CDK15: variants seen among roughly 807,000 people sequenced by gnomAD.
The protein encoded by CDK15 is cyclin-dependent kinase 15.
In CDK15, 62 loss-of-function variants were observed where a neutral mutation model predicts 60.3. That is an observed-to-expected ratio of 1.03 (90% CI 0.84 to 1.27). The LOEUF (loss-of-function observed/expected upper bound fraction) is 1.27. Ranked by LOEUF, CDK15 falls within the 50% of genes most tolerant of loss-of-function variation. CDK15 has a pLI of 0.00. For missense variants in CDK15, 541 were observed against 527.8 expected (o/e 1.03, Z -0.25); for synonymous variants, 194 against 195.7 (o/e 0.99, Z 0.07).
At chr2:201,823,752 CT>C (rs772071625) in intron 6 of CDK15, 25 bp downstream of exon 6, 56 of 1,603,920 alleles carry the variant, frequency 3.5e-5, no homozygotes, top group Non-Finnish European at 4.4e-5. Context: ...GGTCAGGACC[CT>C]CTCCTGGCTT....
chr2:201,867,018 G>T (rs565747095), intron 10 of CDK15, among the ~76,000 whole-genome samples: 1 of 152,236 alleles, frequency 6.6e-6, no homozygotes, highest in Non-Finnish European at 1.5e-5. Context: ...TATTCCTGGG[G>T]TCCTGGGGCA....
chr2:201,878,753 G>A (rs766523758), intron 11 of CDK15, among the ~76,000 whole-genome samples: 5 of 152,180 alleles, frequency 3.3e-5, no homozygotes, highest in African/African-American at 1.2e-4. Flanking sequence ...AGCAGCTTAG[G>A]TGTTGGGCAA....
chr2:201,877,890 T>A (rs969848070), intron 11 of CDK15, among the ~76,000 whole-genome samples: 44 of 152,356 alleles, frequency 2.9e-4, no homozygotes, highest in African/African-American at 9.4e-4. Context: ...ATAGCTCAAA[T>A]TTTTTAATGC....
intron 6 of CDK15, among the ~76,000 whole-genome samples, chr2:201,828,996 A>G (rs924580116): frequency 1.1e-4 from 16 of 152,198 alleles, no homozygotes; most frequent in Admixed American, 2.6e-4. Context: ...TGGAGATTCT[A>G]AGGATTTTAG....
chr2:201,866,985 T>C (rs558974085), intron 10 of CDK15, among the ~76,000 whole-genome samples: 3 of 152,116 alleles, frequency 2.0e-5, no homozygotes, highest in Non-Finnish European at 4.4e-5. Context: ...ACCCCAAACA[T>C]GGACTCAAGT....
At chr2:201,860,764 T>C (rs773598416) in intron 10 of CDK15, 6 of 1,352,154 alleles carry the variant, frequency 4.4e-6, no homozygotes, top group South Asian at 2.3e-5. Flanking sequence ...ACAGCATGGA[T>C]GGCATACTGA....
At chr2:201,806,909 T>C (rs546004134) in intron 1 of CDK15, 122 bp downstream of exon 1, 3 of 1,164,832 alleles carry the variant, frequency 2.6e-6, no homozygotes, top group South Asian at 2.1e-5. Flanking sequence ...ATGAAAATTC[T>C]ATTAAAGTCA....
chr2:201,887,136 G>A (rs1699478621), intron 12 of CDK15, among the ~76,000 whole-genome samples: 1 of 152,038 alleles, frequency 6.6e-6, no homozygotes, highest in Non-Finnish European at 1.5e-5. Flanking sequence ...AGAAACAATT[G>A]GACAAATGTT....
intron 6 of CDK15, among the ~76,000 whole-genome samples, chr2:201,831,002 A>G (rs1696727417): frequency 6.6e-6 from 1 of 152,240 alleles, no homozygotes; most frequent in Admixed American, 6.5e-5. Flanking sequence ...TTAAAGCAGG[A>G]TTGAAGAATG....
chr2:201,872,718 A>ACGCAGT (rs1458342234), intron 11 of CDK15, among the ~76,000 whole-genome samples: 2 of 152,116 alleles, frequency 1.3e-5, no homozygotes, highest in African/African-American at 4.8e-5. Context: ...GGCCCTCTCT[A>ACGCAGT]CGCAGTCTCG....
intron 12 of CDK15, among the ~76,000 whole-genome samples, chr2:201,884,164 C>T (rs181766269): frequency 5.6e-4 from 86 of 152,258 alleles, no homozygotes; most frequent in African/African-American, 1.7e-3. Flanking sequence ...GGTCCTTGAT[C>T]GTCAGGACAT....
At chr2:201,824,014 C>T (rs545356751) in intron 6 of CDK15, among the ~76,000 whole-genome samples, 4 of 151,942 alleles carry the variant, frequency 2.6e-5, no homozygotes, top group African/African-American at 4.8e-5. Flanking sequence ...GATGAATAAA[C>T]GAGTGAAGGA....
At chr2:201,861,461 A>G in intron 10 of CDK15, 3 of 985,268 alleles carry the variant, frequency 3.0e-6, no homozygotes, top group Non-Finnish European at 3.6e-6. Context: ...TGAGTCTGAA[A>G]AATAAATTAT....
intron 11 of CDK15, among the ~76,000 whole-genome samples, chr2:201,874,028 TGG>T (rs1250339496): frequency 7.4e-6 from 1 of 134,982 alleles, no homozygotes; most frequent in Non-Finnish European, 1.5e-5. Context: ...CATTCCAGCC[TGG>T]GAGACAGAGT....
intron 12 of CDK15, chr2:201,889,295 A>G: frequency 2.0e-6 from 2 of 985,414 alleles, no homozygotes; most frequent in Non-Finnish European, 2.4e-6. Flanking sequence ...AACCTGGGAA[A>G]AGCAATGCCC....
Position 201,890,842 on chromosome 2 carries a change from T to C in CDK15, c.1256T>C (p.Leu419Ser), listed in dbSNP as rs757420709. 7 of 1,613,696 alleles carry C rather than the reference T, an allele frequency of 4.3e-6. No individual in the cohort carries two copies. The East Asian group carries it at 1.6e-4, about 36-fold the overall frequency. The change falls in exon 13 of 14, where the codon TTG (leucine) becomes TCG (serine). Residue 419 changes from leucine (L) to serine (S), a missense_variant. Physicochemically the swap from Leu to Ser is moderately radical, Grantham distance 145. Transcript: ENST00000652192. Reference sequence around the variant, plus strand: ...CTAAAGCCAGAAATGTGTGACCTTTTGGCCTCCTACCAGAAAGGTCACCAC... The same window carrying C: ...CTAAAGCCAGAAATGTGTGACCTTTCGGCCTCCTACCAGAAAGGTCACCAC... ...VRLKPEMCDLLASYQKGHHPA... is the reference protein window; with the variant it reads ...VRLKPEMCDLSASYQKGHHPA...
rs148293006 is a variant in CDK15 at position 201,853,990 on chromosome 2, T to A, written c.946-884T>A. On this transcript the variant is annotated intron_variant, in intron 9 of 13. Coordinates refer to ENST00000652192, the MANE Select transcript of CDK15 (RefSeq NM_001366386.2). The stretch of plus-strand genomic sequence containing the variant: ...TCCTGGCCAACACGGTGAAACCCCG[T>A]CTCTACTAAAAATACAACAACAACA... Among the ~76,000 whole-genome samples the A allele has an allele frequency of 3.3e-3, 504 of 151,816 alleles. 6 individuals carry two copies. Among genetic ancestry groups the A allele is most frequent in the African/African-American group, 0.012 (493 of 41,384 alleles).
intron 10 of CDK15, among the ~76,000 whole-genome samples, chr2:201,865,892 C>CAAAAAAAA (rs35178158): frequency 2.2e-4 from 9 of 40,082 alleles, no homozygotes; most frequent in African/African-American, 2.9e-4. Context: ...TCCATCTCAA[C>CAAAAAAAA]AAAAAAAAAA....
At position 201,882,035 on chromosome 2, in the gene CDK15, G is replaced by C. The variant is rs749900969; in HGVS notation, c.1198+1868G>C. 6.6e-5 allele frequency among the ~76,000 whole-genome samples: 10 copies of C among 152,074 alleles called. No individual in the cohort carries two copies. The highest frequency in any genetic ancestry group is 1.3e-4 in the Non-Finnish European group (9 of 68,026). ...TTCTAGGCTCCAGCTTTTGCTTGACGCAAGATGATTAGGAAGAAACAATCA... is the reference window on the plus strand; with the variant it reads ...TTCTAGGCTCCAGCTTTTGCTTGACCCAAGATGATTAGGAAGAAACAATCA... On this transcript the variant is annotated intron_variant, in intron 12 of 13. Coordinates refer to ENST00000652192, the MANE Select transcript of CDK15 (RefSeq NM_001366386.2). This position sits in a 1 kb window ranked among gnomAD's most constrained non-coding sequence, Gnocchi z 4.0.
Sources: allele counts gnomAD v4.1 joint callset (sites outside exome capture counted in the v4.1 genomes callset), GRCh38; gene constraint gnomAD v4.1.1; non-coding constraint Gnocchi (gnomAD v3.1); transcripts MANE v1.5; gene names NCBI Gene and HGNC (gene_info 2026-07-23, HGNC 2026-07-21).